ZC3H12B: variants seen among roughly 807,000 people sequenced by gnomAD.
The protein encoded by ZC3H12B is zinc finger CCCH-type containing 12B, also known as probable ribonuclease ZC3H12B.
ZC3H12B carries 7 observed loss-of-function variants against 43.9 expected under a neutral mutation model. The ratio of observed to expected loss-of-function variants is 0.16; its 90% CI spans 0.09 to 0.30. ZC3H12B has a LOEUF of 0.30. Ranked by LOEUF, ZC3H12B falls within the 10% of genes least tolerant of loss-of-function variation. ZC3H12B has a pLI of 1.00. For synonymous variants in ZC3H12B, 222 were observed against 241.7 expected (o/e 0.92, Z 0.76); for missense variants, 475 against 670.2 (o/e 0.71, Z 3.22).
the ZC3H12B span, chrX:65,272,463 C>G: frequency 1.8e-5 from 2 of 111,614 alleles, no homozygotes; most frequent in African/African-American, 6.6e-5. Flanking sequence ...GACTAATTCA[C>G]TACTAACATG....
intron 3 of ZC3H12B, among the ~76,000 whole-genome samples, chrX:65,460,929 A>G (rs1602485966): frequency 8.9e-6 from 1 of 112,041 alleles, no homozygotes. Context: ...GGCAACCTAC[A>G]GAATGGGAGA....
intron 3 of ZC3H12B, among the ~76,000 whole-genome samples, chrX:65,435,691 TAGATAGATAGAC>T (rs1255737472): frequency 9.1e-6 from 1 of 110,492 alleles, no homozygotes. Context: ...GATAGATAGA[TAGATAGATAGAC>T]AGTCAGATAG....
intron 3 of ZC3H12B, among the ~76,000 whole-genome samples, chrX:65,462,838 T>C (rs1490919634): frequency 8.9e-6 from 1 of 112,462 alleles, no homozygotes; most frequent in East Asian, 2.8e-4. Flanking sequence ...GTAGCACTAT[T>C]CACAATAGCA....
the ZC3H12B span, among the ~76,000 whole-genome samples, chrX:65,071,289 G>GTTTT: frequency 1.2e-5 from 1 of 80,629 alleles, no homozygotes; most frequent in Non-Finnish European, 2.4e-5. Context: ...CTTTTTTTCA[G>GTTTT]TTTTTTTTTT....
chrX:65,368,685 AT>A (rs1334667727), intron 1 of ZC3H12B, 143 bp from the exon 4 acceptor site: 1 of 112,131 alleles, frequency 8.9e-6, no homozygotes, highest in African/African-American at 3.2e-5. Flanking sequence ...AATTAGCACA[AT>A]TATCTCAGCC....
chrX:65,076,443 A>G, the ZC3H12B span, among the ~76,000 whole-genome samples: 2 of 111,083 alleles, frequency 1.8e-5, no homozygotes, highest in African/African-American at 6.5e-5. Context: ...CTGGCTTGTT[A>G]CCCCTGTTTC....
At chrX:65,096,093 A>T in the ZC3H12B span, among the ~76,000 whole-genome samples, 2 of 111,042 alleles carry the variant, frequency 1.8e-5, no homozygotes, top group Non-Finnish European at 3.8e-5. Flanking sequence ...CAGACCAGCA[A>T]TTAAAAATAA....
At chrX:65,434,626 C>A (rs2067199030) in intron 3 of ZC3H12B, among the ~76,000 whole-genome samples, 1 of 112,188 alleles carries the variant, frequency 8.9e-6, no homozygotes, top group East Asian at 2.8e-4. Flanking sequence ...CAGATTTTCA[C>A]TTGTATAAAT....
At chrX:65,229,227 C>T in the ZC3H12B span, among the ~76,000 whole-genome samples, 2 of 110,979 alleles carry the variant, frequency 1.8e-5, no homozygotes, top group Non-Finnish European at 3.8e-5. Flanking sequence ...AGAAATAACA[C>T]CTCATATCTA....
chrX:65,291,754 A>G, the ZC3H12B span, among the ~76,000 whole-genome samples: 1 of 112,208 alleles, frequency 8.9e-6, no homozygotes, highest in Non-Finnish European at 1.9e-5. Context: ...TGTACACTAT[A>G]CTTTAAAATT....
intron 3 of ZC3H12B, among the ~76,000 whole-genome samples, chrX:65,455,445 C>G (rs765244599): frequency 2.7e-5 from 3 of 111,570 alleles, no homozygotes; most frequent in South Asian, 3.8e-4. Flanking sequence ...TAAAAAGAAA[C>G]GAATAAAGCC....
chrX:65,392,734 G>T (rs1322347345), intron 2 of ZC3H12B, among the ~76,000 whole-genome samples: 1 of 113,265 alleles, frequency 8.8e-6, no homozygotes, highest in Non-Finnish European at 1.9e-5. Flanking sequence ...CCACCACCCC[G>T]TCTGGGAGGT....
At chrX:65,172,994 G>T in the ZC3H12B span, among the ~76,000 whole-genome samples, 3 of 111,597 alleles carry the variant, frequency 2.7e-5, no homozygotes, top group African/African-American at 9.8e-5. Flanking sequence ...TAATAGCATT[G>T]AATCTATAAA....
chrX:65,179,402 TA>T, the ZC3H12B span, among the ~76,000 whole-genome samples: 9 of 90,933 alleles, frequency 9.9e-5, no homozygotes, highest in Non-Finnish European at 1.5e-4. Context: ...AACTTAAAGT[TA>T]TTTAAAAAAA....
chrX:65,453,292 C>G (rs1389797049), intron 3 of ZC3H12B, among the ~76,000 whole-genome samples: 1 of 99,248 alleles, frequency 1.0e-5, no homozygotes, highest in Non-Finnish European at 2.0e-5. Flanking sequence ...AAGACAGTTG[C>G]ACACACATGT....
At chrX:65,233,936 T>C in the ZC3H12B span, among the ~76,000 whole-genome samples, 1 of 111,362 alleles carries the variant, frequency 9.0e-6, no homozygotes, top group Non-Finnish European at 1.9e-5. Context: ...GAGAGTATTA[T>C]CAACCCAATT....
At chrX:65,252,825 A>G in the ZC3H12B span, among the ~76,000 whole-genome samples, 1 of 112,199 alleles carries the variant, frequency 8.9e-6, no homozygotes, top group African/African-American at 3.2e-5. Flanking sequence ...CTGTGAGTAT[A>G]TGATCATTTA....
chrX:65,296,024 A>G, the ZC3H12B span, among the ~76,000 whole-genome samples: 2 of 112,127 alleles, frequency 1.8e-5, no homozygotes, highest in African/African-American at 6.5e-5. Flanking sequence ...TTCCCAGAGG[A>G]AAAAAAGTCA....
chrX:65,332,019 C>T, the ZC3H12B span, among the ~76,000 whole-genome samples: 3 of 111,269 alleles, frequency 2.7e-5, no homozygotes, highest in Middle Eastern at 4.7e-3. Context: ...GTATCTTATG[C>T]CAACCTTCTA....
Sources: allele counts gnomAD v4.1 joint callset (sites outside exome capture counted in the v4.1 genomes callset), GRCh38; gene constraint gnomAD v4.1.1; transcripts MANE v1.5; gene names NCBI Gene and HGNC (gene_info 2026-07-23, HGNC 2026-07-21).